The following GNGT1 variants were observed in gnomAD, a reference collection of about 807,000 sequenced individuals.
The protein encoded by GNGT1 is G protein subunit gamma transducin 1.
Under a neutral mutation model 7.4 loss-of-function variants are expected in GNGT1, and 4 were observed. The ratio of observed to expected loss-of-function variants is 0.54; its 90% CI spans 0.27 to 1.24. The LOEUF is 1.24. Among genes scored for constraint, GNGT1 ranks in the 50% most tolerant of loss-of-function variants. The pLI is 0.12. For missense variants in GNGT1, 95 were observed against 82.4 expected (o/e 1.15, Z -0.59); for synonymous variants, 37 against 30.2 (o/e 1.23, Z -0.74).
Position 93,911,230 on chromosome 7 carries a change from T to C in GNGT1, c.*312T>C, listed in dbSNP as rs180267. On this transcript the variant is annotated 3_prime_UTR_variant, in exon 3 of 3. Coordinates refer to ENST00000248572, the MANE Select transcript of GNGT1 (RefSeq NM_021955.5). The stretch of plus-strand genomic sequence containing the variant: ...GCATATATTTACTGTTTTATGTTTT[T>C]TCACTTCCCTTTCAACACTTACAAT... The C allele has an allele frequency of 0.62, 97,094 of 157,212 alleles. 30,548 individuals are homozygous for C. The highest frequency in any genetic ancestry group is 0.77 in the East Asian group (4,308 of 5,594). The allele number at this position is 157,212 out of a possible 1,614,324, so 9.7% of individuals were successfully genotyped here.
intron 2 of GNGT1, among the ~76,000 whole-genome samples, chr7:93,907,890 A>G (rs10261603): frequency 0.091 from 13,920 of 152,210 alleles, 1,258 homozygotes; most frequent in African/African-American, 0.23. Context: ...TTAAATCATT[A>G]CTAAGGCTTA....
At chr7:93,910,027 T>C (rs1794437489) in intron 2 of GNGT1, 1 of 152,774 alleles carries the variant, frequency 6.5e-6, no homozygotes, top group African/African-American at 2.4e-5. Flanking sequence ...TGTATATTTA[T>C]ATATGTATAG....
intron 2 of GNGT1, among the ~76,000 whole-genome samples, chr7:93,908,410 C>G (rs1266944620): frequency 6.6e-6 from 1 of 151,732 alleles, no homozygotes; most frequent in Admixed American, 6.6e-5. Flanking sequence ...GCAGATTCAG[C>G]GTCTGGCGAG....
chr7:93,908,711 GC>G (rs756928584), intron 2 of GNGT1, among the ~76,000 whole-genome samples: 111 of 151,678 alleles, frequency 7.3e-4, no homozygotes, highest in Non-Finnish European at 1.3e-3. Context: ...CAGGTCCTGA[GC>G]CCCTAGCTCT....
At chr7:93,909,763 G>C (rs1263777093) in intron 2 of GNGT1, 1 of 370,732 alleles carries the variant, frequency 2.7e-6, no homozygotes, top group Non-Finnish European at 4.8e-6. Context: ...TAATTAATGA[G>C]TCTGCCTAGT....
Position 93,906,616 on chromosome 7 carries a change from T to C in GNGT1, c.-40T>C. On this transcript the variant is annotated 5_prime_UTR_variant, in exon 1 of 3. Transcript: ENST00000248572. ...TATGAAATTGGTTATCGTGGGATAT[T>C]TAAAATAAAACAAAGAACAGTTTAC... is the stretch of plus-strand genomic sequence containing the variant. 3.0e-6 allele frequency: 2 copies of C among 656,724 alleles called. No homozygotes were observed. Among genetic ancestry groups the C allele is most frequent in the South Asian group, 3.8e-5 (2 of 52,594 alleles). The allele number at this position is 656,724 out of a possible 1,614,324, so 40.7% of individuals were successfully genotyped here. A position where few individuals can be genotyped will look rare whatever the true frequency, so the allele number is the denominator to read the frequency against.
At chr7:93,907,548 G>T (rs2115891719) in intron 2 of GNGT1, among the ~76,000 whole-genome samples, 1 of 152,250 alleles carries the variant, frequency 6.6e-6, no homozygotes, top group Admixed American at 6.5e-5. Flanking sequence ...ACTGCCATTA[G>T]AAGGAGAAGA....
At chr7:93,909,611 A>G in intron 2 of GNGT1, 1 of 590,876 alleles carries the variant, frequency 1.7e-6, no homozygotes, top group Admixed American at 2.6e-5. Flanking sequence ...GTGTGGGACC[A>G]CTGAGGAAGA....
chr7:93,910,655 T>C (rs1794448646), intron 2 of GNGT1, 135 bp from the exon 3 acceptor site: 1 of 513,234 alleles, frequency 1.9e-6, no homozygotes, highest in Non-Finnish European at 3.4e-6. Context: ...ACAAAGTAAA[T>C]ATGCATTGGT....
At chr7:93,906,890 T>C (rs751125555) in intron 2 of GNGT1, 48 bp downstream of exon 2, 1 of 1,040,012 alleles carries the variant, frequency 9.6e-7, no homozygotes, top group Non-Finnish European at 1.4e-6. Context: ...AGAGATACTG[T>C]GGGAGTACCA....
At chr7:93,908,148 T>C (rs915692195) in intron 2 of GNGT1, among the ~76,000 whole-genome samples, 16 of 152,208 alleles carry the variant, frequency 1.1e-4, no homozygotes, top group Non-Finnish European at 5.9e-5. Context: ...TTAATCAGGC[T>C]TTGGGGTTCC....
chr7:93,908,249 C>T (rs1355411414), intron 2 of GNGT1, among the ~76,000 whole-genome samples: 1 of 152,134 alleles, frequency 6.6e-6, no homozygotes, highest in Non-Finnish European at 1.5e-5. Flanking sequence ...CACACACAAA[C>T]ACACATGCAT....
chr7:93,910,899 G>A lies in GNGT1; in HGVS notation c.206G>A (p.Gly69Glu), dbSNP rs1794455069. Residue 69 changes from glycine to glutamate, a missense_variant, in exon 3 of 3, where the codon GGA (glycine) becomes GAA (glutamate). Physicochemically the swap from Gly to Glu is moderately conservative, Grantham distance 98. Coordinates refer to ENST00000248572, the MANE Select transcript of GNGT1 (RefSeq NM_021955.5). Reference protein sequence around the residue: ...EDKNPFKELKGGCVIS With the variant: ...EDKNPFKELKEGCVIS ...AAAAATCCCTTCAAGGAGCTCAAAG[G>A]AGGCTGTGTGATTTCATAATACAAA... 4.4e-6 allele frequency: 7 copies of A among 1,587,310 alleles called. No homozygotes were observed. Among genetic ancestry groups the A allele is most frequent in the African/African-American group, 1.4e-5 (1 of 73,882 alleles).
At chr7:93,909,437 T>C (rs1159499790) in intron 2 of GNGT1, 12 of 700,424 alleles carry the variant, frequency 1.7e-5, no homozygotes, top group Admixed American at 2.0e-5. Context: ...TATACACATA[T>C]ATAATTTTAG....
chr7:93,909,534 G>T (rs1794427715), intron 2 of GNGT1: 2 of 701,484 alleles, frequency 2.9e-6, no homozygotes, highest in Non-Finnish European at 5.2e-6. Context: ...CTGAATTAAG[G>T]ACAGCAAGTT....
chr7:93,907,970 A>G (rs11979597), intron 2 of GNGT1, among the ~76,000 whole-genome samples: 13,953 of 152,222 alleles, frequency 0.092, 844 homozygotes, highest in African/African-American at 0.17. Flanking sequence ...CTTTTAGGAT[A>G]AAGAAAAGTT....
intron 2 of GNGT1, chr7:93,910,336 A>C (rs1794442230): frequency 6.6e-6 from 1 of 152,554 alleles, no homozygotes; most frequent in African/African-American, 2.4e-5. Flanking sequence ...GATGAGTGTA[A>C]AGAAAAATTA....
At chr7:93,907,078 T>C (rs1794385599) in intron 2 of GNGT1, among the ~76,000 whole-genome samples, 1 of 151,638 alleles carries the variant, frequency 6.6e-6, no homozygotes, top group Non-Finnish European at 1.5e-5. Context: ...TAGCCTCTTT[T>C]TGTATGACCA....
chr7:93,906,789 T>C lies in GNGT1; in HGVS notation c.43T>C (p.Leu15=). Residue 15 remains leucine (L), a synonymous_variant, in exon 2 of 3, where the codon TTG becomes CTG. Coordinates refer to ENST00000248572, the MANE Select transcript of GNGT1 (RefSeq NM_021955.5). ...TGAGGACCTGACAGAAAAGGACAAATTGAAGATGGAAGTTGACCAGCTCAA... is the reference window on the plus strand; with the variant it reads ...TGAGGACCTGACAGAAAAGGACAAACTGAAGATGGAAGTTGACCAGCTCAA... ...NIEDLTEKDK[L]KMEVDQLKKE... 2 of 1,606,878 alleles carry C rather than the reference T, an allele frequency of 1.2e-6. No individual in the cohort carries two copies. Among genetic ancestry groups the C allele is most frequent in the Non-Finnish European group, 1.7e-6 (2 of 1,176,700 alleles).
Sources: allele counts gnomAD v4.1 joint callset (sites outside exome capture counted in the v4.1 genomes callset), GRCh38; gene constraint gnomAD v4.1.1; transcripts MANE v1.5; gene names NCBI Gene and HGNC (gene_info 2026-07-23, HGNC 2026-07-21).